The following NUP160 variants were observed in gnomAD, a reference collection of about 807,000 sequenced individuals.
NUP160 encodes nuclear pore complex protein Nup160.
A neutral mutation model predicts 196.9 loss-of-function variants in NUP160; 94 were observed. The observed-to-expected ratio is 0.48, with a 90% CI of 0.40 to 0.57. The LOEUF is 0.57. NUP160 is among the 20% of genes least tolerant of loss of function. NUP160 has a pLI of 0.00. For missense variants in NUP160, 1,638 were observed against 1,748.3 expected (o/e 0.94, Z 1.13); for synonymous variants, 605 against 619.7 (o/e 0.98, Z 0.35).
At chr11:47,787,906 T>G (rs2097665586) in intron 31 of NUP160, among the ~76,000 whole-genome samples, 1 of 152,092 alleles carries the variant, frequency 6.6e-6, no homozygotes, top group African/African-American at 2.4e-5. Flanking sequence ...TTATTTTTAG[T>G]AGAGACGGGG....
intron 17 of NUP160, 122 bp downstream of exon 17, chr11:47,811,942 G>A: frequency 2.6e-6 from 2 of 771,510 alleles, no homozygotes; most frequent in Non-Finnish European, 4.2e-6. Flanking sequence ...AAGCTTGGGA[G>A]AATAAAGCAG....
At chr11:47,834,442 G>C (rs1477196217) in intron 7 of NUP160, among the ~76,000 whole-genome samples, 1 of 152,146 alleles carries the variant, frequency 6.6e-6, no homozygotes, top group African/African-American at 2.4e-5. Flanking sequence ...AGAGAGAATA[G>C]AACAATTATG....
At chr11:47,798,627 C>T (rs2097672292) in intron 23 of NUP160, among the ~76,000 whole-genome samples, 164 bp from the exon 24 acceptor site, 2 of 151,860 alleles carry the variant, frequency 1.3e-5, no homozygotes, top group African/African-American at 4.8e-5. Context: ...TGCTCAAGGC[C>T]AGCCTGGGCA....
chr11:47,828,251 T>C (rs1852009489), intron 7 of NUP160, among the ~76,000 whole-genome samples: 1 of 152,130 alleles, frequency 6.6e-6, no homozygotes, highest in East Asian at 1.9e-4. Context: ...ATAAATGAGT[T>C]CAGCAAAGTT....
intron 5 of NUP160, among the ~76,000 whole-genome samples, 159 bp downstream of exon 5, chr11:47,837,386 G>A: frequency 6.6e-6 from 1 of 152,148 alleles, no homozygotes; most frequent in East Asian, 1.9e-4. Context: ...AAGGGACTCG[G>A]GAGTGTGGCT....
At chr11:47,837,704 T>C (rs1266164660) in intron 4 of NUP160, 81 bp from the exon 5 acceptor site, 1 of 1,035,366 alleles carries the variant, frequency 9.7e-7, no homozygotes, top group Non-Finnish European at 1.5e-6. Context: ...AACAAGGTCT[T>C]TATAATAGGC....
intron 31 of NUP160, among the ~76,000 whole-genome samples, chr11:47,787,718 ATTC>A (rs763066667): frequency 1.8e-4 from 25 of 140,128 alleles, no homozygotes; most frequent in Admixed American, 5.0e-4. Flanking sequence ...TGGCCAAGAA[ATTC>A]TTCTTCTTTT....
chr11:47,798,568 T>C (rs2097672253), intron 23 of NUP160, 105 bp from the exon 24 acceptor site: 1 of 675,188 alleles, frequency 1.5e-6, no homozygotes, highest in Non-Finnish European at 2.6e-6. Context: ...GCCGGCATGG[T>C]GGCTCACACC....
At chr11:47,836,890 G>A in exon 6 of NUP160, 1 of 1,573,048 alleles carries the variant, frequency 6.4e-7, no homozygotes, top group Non-Finnish European at 8.8e-7. Flanking sequence ...CACTTACCTT[G>A]TAAGACCACA....
At chr11:47,840,974 T>A (rs1435794473) in intron 2 of NUP160, among the ~76,000 whole-genome samples, 2 of 152,112 alleles carry the variant, frequency 1.3e-5, no homozygotes, top group Non-Finnish European at 2.9e-5. Flanking sequence ...ATTTCCTGTT[T>A]CTATTACTTC....
chr11:47,848,118 G>A, intron 1 of NUP160, 101 bp downstream of exon 1: 1 of 1,406,008 alleles, frequency 7.1e-7, no homozygotes, highest in Admixed American at 1.7e-5. Flanking sequence ...CTAGAGGCAT[G>A]TGGACTCAGG....
chr11:47,833,429 TG>T (rs1852113325), intron 7 of NUP160, among the ~76,000 whole-genome samples: 1 of 148,402 alleles, frequency 6.7e-6, no homozygotes, highest in Non-Finnish European at 1.5e-5. Flanking sequence ...CACTCCAGCC[TG>T]GGTGACAAGA....
chr11:47,844,370 G>A (rs1852361360), intron 2 of NUP160, among the ~76,000 whole-genome samples: 2 of 152,148 alleles, frequency 1.3e-5, no homozygotes, highest in African/African-American at 4.8e-5. Context: ...CTTACTCAGA[G>A]CAAAAGCCAA....
At chr11:47,837,858 C>T (rs1852206483) in intron 4 of NUP160, among the ~76,000 whole-genome samples, 1 of 152,210 alleles carries the variant, frequency 6.6e-6, no homozygotes, top group Non-Finnish European at 1.5e-5. Context: ...CTTTTACAGA[C>T]AGTAACCCAT....
chr11:47,804,664 T>TA (rs763403475), intron 20 of NUP160, 46 bp from the exon 21 acceptor site: 30 of 1,276,872 alleles, frequency 2.3e-5, no homozygotes, highest in Admixed American at 1.9e-4. Flanking sequence ...TGGCAAATCT[T>TA]AAACATATAC....
intron 35 of NUP160, 135 bp from the exon 36 acceptor site, chr11:47,779,329 A>G: frequency 3.3e-6 from 2 of 607,766 alleles, no homozygotes; most frequent in Admixed American, 5.9e-5. Context: ...TAAAATCACC[A>G]TTTGTTATAG....
chr11:47,788,413 C>A, intron 30 of NUP160, 88 bp downstream of exon 30: 1 of 1,541,750 alleles, frequency 6.5e-7, no homozygotes. Flanking sequence ...AGGCTTTATA[C>A]CCATCTACCA....
At chr11:47,823,938 A>G (rs1182019970) in intron 7 of NUP160, among the ~76,000 whole-genome samples, 3 of 148,402 alleles carry the variant, frequency 2.0e-5, no homozygotes, top group Admixed American at 1.4e-4. Context: ...CTTATTGCCT[A>G]TTGTGAGTAA....
chr11:47,828,224 A>G (rs973774268), intron 7 of NUP160, among the ~76,000 whole-genome samples: 1 of 152,218 alleles, frequency 6.6e-6, no homozygotes, highest in Non-Finnish European at 1.5e-5. Context: ...AATCCATTAC[A>G]AAATCTATCA....
Sources: allele counts gnomAD v4.1 joint callset (sites outside exome capture counted in the v4.1 genomes callset), GRCh38; gene constraint gnomAD v4.1.1; transcripts MANE v1.5; gene names NCBI Gene and HGNC (gene_info 2026-07-23, HGNC 2026-07-21).